GLIS1: variants seen among roughly 807,000 people sequenced by gnomAD.
GLIS1 encodes GLIS family zinc finger 1, also known as zinc finger protein GLIS1.
In GLIS1, 24 loss-of-function variants were observed where a neutral mutation model predicts 63.8. The observed-to-expected ratio is 0.38, with a 90% CI of 0.27 to 0.53. The LOEUF (loss-of-function observed/expected upper bound fraction) is 0.53. Among genes scored for constraint, GLIS1 ranks in the 20% least tolerant of loss-of-function variants. The probability of loss-of-function intolerance (pLI) is 0.85; values close to 1 mark genes in which losing one functional copy is unlikely to be tolerated. For synonymous variants in GLIS1, 450 were observed against 482.5 expected, an observed-to-expected ratio of 0.93 and a Z score of 0.88; for missense variants, 1,036 against 1,074.1, an observed-to-expected ratio of 0.96 and a Z score of 0.50.
chr1:53,584,282 T>C (rs77559236), intron 4 of GLIS1, among the ~76,000 whole-genome samples: 5,316 of 152,296 alleles, frequency 0.035, 139 homozygotes, highest in Non-Finnish European at 0.057. Context: ...AATTCCGATG[T>C]TTCTGCCCTC....
chr1:53,704,781 T>C (rs920992074), intron 2 of GLIS1, among the ~76,000 whole-genome samples: 1 of 152,142 alleles, frequency 6.6e-6, no homozygotes, highest in African/African-American at 2.4e-5. Context: ...TCACTTCCTC[T>C]CCAAGCACTG....
intron 2 of GLIS1, among the ~76,000 whole-genome samples, chr1:53,640,773 A>G (rs1247452061): frequency 6.6e-6 from 1 of 152,168 alleles, no homozygotes; most frequent in Non-Finnish European, 1.5e-5. Flanking sequence ...CTGGGATACT[A>G]CATTAAGCCA....
intron 4 of GLIS1, among the ~76,000 whole-genome samples, chr1:53,567,469 A>G (rs1368701607): frequency 6.6e-6 from 1 of 152,254 alleles, no homozygotes; most frequent in Non-Finnish European, 1.5e-5. Context: ...GTAGAAAAGA[A>G]AAGCCCATTT....
intron 2 of GLIS1, among the ~76,000 whole-genome samples, chr1:53,606,787 C>T (rs1202673910): frequency 1.3e-5 from 2 of 152,220 alleles, no homozygotes; most frequent in Admixed American, 1.3e-4. Flanking sequence ...GCCTGACGCT[C>T]GCGGCCTCAC....
chr1:53,619,171 C>T (rs762767271), intron 2 of GLIS1, among the ~76,000 whole-genome samples: 15 of 152,200 alleles, frequency 9.9e-5, no homozygotes, highest in African/African-American at 1.7e-4. Flanking sequence ...GCCTGGTTGC[C>T]GCCTCCCAAG....
intron 2 of GLIS1, among the ~76,000 whole-genome samples, chr1:53,606,089 C>T (rs1164326453): frequency 6.6e-6 from 1 of 152,200 alleles, no homozygotes; most frequent in East Asian, 1.9e-4. Context: ...GATAAGAATC[C>T]CAGCTCCAGG....
Position 53,571,105 on chromosome 1 carries a change from G to A in GLIS1, c.1320+23003C>T, listed in dbSNP as rs530104606. Among the ~76,000 whole-genome samples the A allele has an allele frequency of 5.3e-5, 8 of 152,286 alleles. No individual in the cohort carries two copies. The South Asian group carries it at 1.5e-3, about 28-fold the overall frequency. ...ACCAATAGAAAAATGGGCAGAGGAC[G>A]TGAAAGGACTTTTACAGAAGAGGAA... is the stretch of plus-strand genomic sequence containing the variant. On this transcript the variant is annotated intron_variant, in intron 4 of 10. Coordinates refer to ENST00000628545, the MANE Select transcript of GLIS1 (RefSeq NM_001367484.1).
At chr1:53,697,273 C>T (rs962936506) in intron 2 of GLIS1, among the ~76,000 whole-genome samples, 2 of 152,232 alleles carry the variant, frequency 1.3e-5, no homozygotes, top group African/African-American at 4.8e-5. Flanking sequence ...TTCAGAGACT[C>T]CCCCTGCCTA....
intron 2 of GLIS1, among the ~76,000 whole-genome samples, chr1:53,631,151 G>T (rs982188084): frequency 6.6e-6 from 1 of 152,120 alleles, no homozygotes; most frequent in African/African-American, 2.4e-5. Flanking sequence ...AATCTAACGG[G>T]TTTTTTTAGT....
rs367565336 is a variant in GLIS1, at chr1:53,524,457, G to A, written c.1593+320C>T. ...GTGCTTTTTCATTTCTGCATCTTCC[G>A]TGCCCAGCACAAGGCTGGACATCAT... On this transcript the variant is annotated intron_variant, in intron 6 of 10. Coordinates refer to ENST00000628545, the MANE Select transcript of GLIS1 (RefSeq NM_001367484.1). Among the ~76,000 whole-genome samples the A allele has an allele frequency of 7.2e-5, 11 of 152,210 alleles. No homozygotes were observed. The East Asian group carries it at 1.5e-3, about 21-fold the overall frequency.
intron 2 of GLIS1, among the ~76,000 whole-genome samples, chr1:53,602,824 C>G (rs188092151): frequency 7.4e-4 from 113 of 152,316 alleles, no homozygotes; most frequent in Middle Eastern, 3.4e-3. Flanking sequence ...AACCAGAGAC[C>G]CCTAAATAAG....
intron 2 of GLIS1, among the ~76,000 whole-genome samples, chr1:53,727,082 A>G (rs1646812818): frequency 6.6e-6 from 1 of 152,254 alleles, no homozygotes; most frequent in Admixed American, 6.5e-5. Flanking sequence ...ACTGAGGCTC[A>G]GAGTTCAACG....
At chr1:53,676,242 G>A (rs567580771) in intron 2 of GLIS1, among the ~76,000 whole-genome samples, 41 of 152,330 alleles carry the variant, frequency 2.7e-4, no homozygotes, top group Non-Finnish European at 5.0e-4. Flanking sequence ...CTCCACTTAA[G>A]GGGTGGGGAC....
chr1:53,632,582 A>C (rs1645668946), intron 2 of GLIS1, among the ~76,000 whole-genome samples: 1 of 141,494 alleles, frequency 7.1e-6, no homozygotes, highest in African/African-American at 2.7e-5. Flanking sequence ...GGGCATGTGA[A>C]TGAGTGTGAC....
chr1:53,705,763 A>G (rs1193417011), intron 2 of GLIS1, among the ~76,000 whole-genome samples: 3 of 152,178 alleles, frequency 2.0e-5, no homozygotes, highest in African/African-American at 7.2e-5. Context: ...TTCCATCCCA[A>G]GCTGTTTCCA....
chr1:53,722,786 T>C (rs923378828), intron 2 of GLIS1, among the ~76,000 whole-genome samples: 12 of 151,176 alleles, frequency 7.9e-5, no homozygotes, highest in Non-Finnish European at 1.5e-4. Context: ...TGAGCTGTGA[T>C]TGGGCCACTG....
intron 4 of GLIS1, among the ~76,000 whole-genome samples, chr1:53,538,752 A>G (rs905374342): frequency 1.3e-5 from 2 of 152,124 alleles, no homozygotes. Flanking sequence ...TGGGGGCTGC[A>G]GACACCCTGA....
At chr1:53,610,944 T>C (rs1218678636) in intron 2 of GLIS1, among the ~76,000 whole-genome samples, 1 of 152,240 alleles carries the variant, frequency 6.6e-6, no homozygotes, top group African/African-American at 2.4e-5. Context: ...TAACTGCATC[T>C]TTTAAATCTA....
chr1:53,593,847 C>T (rs910585030), intron 4 of GLIS1, among the ~76,000 whole-genome samples: 1 of 152,212 alleles, frequency 6.6e-6, no homozygotes, highest in African/African-American at 2.4e-5. Flanking sequence ...CTGTGGCGTG[C>T]TAAGATATAT....
Sources: allele counts gnomAD v4.1 joint callset (sites outside exome capture counted in the v4.1 genomes callset), GRCh38; gene constraint gnomAD v4.1.1; transcripts MANE v1.5; gene names NCBI Gene and HGNC (gene_info 2026-07-23, HGNC 2026-07-21).